The following GRXCR2 variants were observed in gnomAD, a reference collection of about 807,000 sequenced individuals.
GRXCR2 encodes glutaredoxin domain-containing cysteine-rich protein 2.
GRXCR2 carries 23 observed loss-of-function variants against 24.8 expected under a neutral mutation model. The observed-to-expected ratio is 0.93, with a 90% CI of 0.67 to 1.32. The LOEUF (loss-of-function observed/expected upper bound fraction) is 1.32. Ranked by LOEUF, GRXCR2 falls within the 40% of genes most tolerant of loss-of-function variation. The probability of loss-of-function intolerance (pLI) is 0.00; values close to 1 mark genes in which losing one functional copy is unlikely to be tolerated. For synonymous variants in GRXCR2, 130 were observed against 116.1 expected (o/e 1.12, Z -0.77); for missense variants, 315 against 303.4 (o/e 1.04, Z -0.28).
At chr5:145,920,731 A>G (rs1035840686) in intron 2 of GRXCR2, among the ~76,000 whole-genome samples, 13 of 152,230 alleles carry the variant, frequency 8.5e-5, no homozygotes, top group African/African-American at 3.1e-4. Context: ...CAGGTTAGTC[A>G]CCATGTGCTA....
chr5:145,892,015 G>A (rs1379313829), intron 2 of GRXCR2, among the ~76,000 whole-genome samples: 4 of 152,132 alleles, frequency 2.6e-5, no homozygotes, highest in Non-Finnish European at 4.4e-5. Flanking sequence ...TGATACCCAG[G>A]CAAACAGGGT....
At position 145,859,594 on chromosome 5, in the gene GRXCR2, T is replaced by C. The variant is rs920879526; in HGVS notation, c.*139A>G. The C allele has an allele frequency of 1.1e-5, 8 of 698,476 alleles. No individual in the cohort carries two copies. The highest frequency in any genetic ancestry group is 2.0e-5 in the Non-Finnish European group (8 of 399,932). The allele number at this position is 698,476 out of a possible 1,614,324, so 43.3% of individuals were successfully genotyped here. A position where few individuals can be genotyped will look rare whatever the true frequency, so the allele number is the denominator to read the frequency against. On this transcript the variant is annotated 3_prime_UTR_variant, in exon 3 of 3. Coordinates refer to ENST00000377976, the MANE Select transcript of GRXCR2 (RefSeq NM_001080516.2). ...GGCCTCACAAAATGTCATCAGATAA[T>C]TGAGTTTTGCCAGCAGTGGGAGTGA...
rs191994791 is a variant in GRXCR2 at position 145,880,876 on chromosome 5, T to A, written c.-69-14148A>T. ...CCTGGGATACAAGACTGGTTGAACA[T>A]ATGCAAATCAATAAATGTAATCCAT... On this transcript the variant is annotated intron_variant, in intron 2 of 3. Transcript: ENST00000639411. Among the ~76,000 whole-genome samples the A allele has an allele frequency of 2.6e-5, 4 of 152,334 alleles. No individual in the cohort carries two copies. In the East Asian group the frequency reaches 7.7e-4, roughly 29 times the overall value.
At chr5:145,864,393 G>A (rs556823878) in intron 2 of GRXCR2, among the ~76,000 whole-genome samples, 2 of 152,282 alleles carry the variant, frequency 1.3e-5, no homozygotes, top group South Asian at 2.1e-4. Flanking sequence ...GGAGTTTGCG[G>A]TTTTATCCCA....
At chr5:145,915,221 G>T (rs1273001776) in intron 2 of GRXCR2, among the ~76,000 whole-genome samples, 1 of 152,100 alleles carries the variant, frequency 6.6e-6, no homozygotes, top group Non-Finnish European at 1.5e-5. Flanking sequence ...AGGTGCAGGG[G>T]GCCATGTCCT....
At chr5:145,909,880 C>A (rs898707368) in intron 2 of GRXCR2, among the ~76,000 whole-genome samples, 2 of 151,998 alleles carry the variant, frequency 1.3e-5, no homozygotes, top group African/African-American at 2.4e-5. Flanking sequence ...ATATTCTACC[C>A]CCCGCCCTCA....
intron 2 of GRXCR2, among the ~76,000 whole-genome samples, chr5:145,881,799 A>G (rs1315729367): frequency 1.3e-5 from 2 of 152,234 alleles, no homozygotes; most frequent in South Asian, 4.1e-4. Flanking sequence ...CCAAAACAGC[A>G]TGGTACTGGT....
chr5:145,874,982 C>G (rs1180206686), upstream of GRXCR2, among the ~76,000 whole-genome samples: 1 of 152,232 alleles, frequency 6.6e-6, no homozygotes, highest in Non-Finnish European at 1.5e-5. Context: ...TTCTGGGCAG[C>G]CTTCCCACCT....
At chr5:145,889,683 A>G (rs1263627005) in intron 2 of GRXCR2, among the ~76,000 whole-genome samples, 1 of 152,194 alleles carries the variant, frequency 6.6e-6, no homozygotes, top group Non-Finnish European at 1.5e-5. Context: ...TGGCAATACC[A>G]CCAAAGCATT....
At chr5:145,876,217 A>ATATATATATATATG (rs1756614320), upstream of GRXCR2, among the ~76,000 whole-genome samples, 2 of 131,662 alleles carry the variant, frequency 1.5e-5, no homozygotes, top group African/African-American at 6.0e-5. Context: ...ATATATATAT[A>ATATATATATATATG]CACACACACA....
chr5:145,861,623 C>T (rs1413905158), intron 2 of GRXCR2, among the ~76,000 whole-genome samples: 3 of 152,126 alleles, frequency 2.0e-5, no homozygotes, highest in African/African-American at 7.2e-5. Context: ...TGGACTTGTA[C>T]CATTTCATGA....
upstream of GRXCR2, among the ~76,000 whole-genome samples, chr5:145,876,624 A>G (rs1289332334): frequency 6.6e-6 from 1 of 152,186 alleles, no homozygotes; most frequent in African/African-American, 2.4e-5. Flanking sequence ...AATGAATGTC[A>G]GTAACAACAA....
chr5:145,894,202 C>T (rs1390495971), intron 2 of GRXCR2, among the ~76,000 whole-genome samples: 1 of 151,788 alleles, frequency 6.6e-6, no homozygotes, highest in Admixed American at 6.6e-5. Context: ...AAATTGACAC[C>T]CTAACATCAC....
chr5:145,892,764 T>C (rs922491721), intron 2 of GRXCR2, among the ~76,000 whole-genome samples: 7 of 152,070 alleles, frequency 4.6e-5, no homozygotes, highest in Admixed American at 3.9e-4. Context: ...AACATTCAAA[T>C]TCAGGAAGTA....
chr5:145,900,931 A>G (rs1036793971), intron 2 of GRXCR2, among the ~76,000 whole-genome samples: 6 of 152,220 alleles, frequency 3.9e-5, no homozygotes, highest in Non-Finnish European at 7.3e-5. Flanking sequence ...TAAAGGTGGT[A>G]CATATATACT....
chr5:145,858,316 C>CAAAAAAAAAAA (rs139918161), downstream of GRXCR2, among the ~76,000 whole-genome samples: 1 of 121,304 alleles, frequency 8.2e-6, no homozygotes, highest in East Asian at 2.3e-4. Flanking sequence ...CTGTCTCCCA[C>CAAAAAAAAAAA]AAAAAAAAAA....
At chr5:145,860,927 C>G (rs2149907732) in intron 2 of GRXCR2, among the ~76,000 whole-genome samples, 1 of 152,266 alleles carries the variant, frequency 6.6e-6, no homozygotes, top group South Asian at 2.1e-4. Flanking sequence ...TTGACTCCCA[C>G]TCTTCAGAAA....
At chr5:145,870,476 A>G (rs113004958) in intron 1 of GRXCR2, among the ~76,000 whole-genome samples, 2 of 152,164 alleles carry the variant, frequency 1.3e-5, no homozygotes, top group Admixed American at 6.5e-5. Context: ...TTATCCATTC[A>G]TCAGTCTATG....
At chr5:145,860,089 C>T (rs1477249318) in intron 2 of GRXCR2, among the ~76,000 whole-genome samples, 174 bp from the exon 3 acceptor site, 2 of 152,174 alleles carry the variant, frequency 1.3e-5, no homozygotes, top group Non-Finnish European at 2.9e-5. Context: ...GCAATTTTAT[C>T]AGAGAGGATT....
Sources: gnomAD v4.1 joint callset for allele counts (sites outside exome capture counted in the v4.1 genomes callset) on GRCh38, gnomAD v4.1.1 for gene constraint, MANE v1.5 for transcripts, NCBI Gene and HGNC (gene_info 2026-07-23, HGNC 2026-07-21) for gene names.